Variants in ODAD2 observed in about 807,000 individuals in gnomAD.
The protein encoded by ODAD2 is outer dynein arm docking complex subunit 2.
In ODAD2, 89 loss-of-function variants were observed where a neutral mutation model predicts 106.8. The ratio of observed to expected loss-of-function variants is 0.83; its 90% confidence interval spans 0.70 to 0.99. The LOEUF (loss-of-function observed/expected upper bound fraction) is 0.99. Among genes scored for constraint, ODAD2 ranks in the 50% least tolerant of loss-of-function variants. The pLI is 0.00. For synonymous variants in ODAD2, 404 were observed against 436.2 expected, an observed-to-expected ratio of 0.93 and a Z score of 0.92; for missense variants, 1,168 against 1,238.5, an observed-to-expected ratio of 0.94 and a Z score of 0.85.
chr10:27,832,740 T>A (rs1033465649), intron 19 of ODAD2, among the ~76,000 whole-genome samples: 2 of 152,194 alleles, frequency 1.3e-5, no homozygotes, highest in Admixed American at 1.3e-4. Context: ...AAGGACTTAA[T>A]GTTGCATTTC....
intron 19 of ODAD2, among the ~76,000 whole-genome samples, chr10:27,838,177 C>T (rs1341426700): frequency 6.6e-6 from 1 of 152,170 alleles, no homozygotes; most frequent in African/African-American, 2.4e-5. Flanking sequence ...AACAGGATTG[C>T]TGTTTTCAAG....
intron 19 of ODAD2, among the ~76,000 whole-genome samples, chr10:27,819,631 G>T (rs990855250): frequency 2.0e-5 from 3 of 147,726 alleles, no homozygotes; most frequent in Non-Finnish European, 3.0e-5. Flanking sequence ...GGTCACGTGC[G>T]CCTGTAGTCT....
chr10:27,993,375 C>T (rs1019035990), intron 2 of ODAD2, among the ~76,000 whole-genome samples: 2 of 152,000 alleles, frequency 1.3e-5, no homozygotes, highest in African/African-American at 2.4e-5. Context: ...TCAGGCCGGG[C>T]GTGGTGGTTC....
At position 27,940,652 on chromosome 10, in the gene ODAD2, C is replaced by A; in HGVS notation, c.1897G>T (p.Gly633Cys). The change falls in exon 13 of 20, where the codon GGC (glycine) becomes TGC (cysteine). Residue 633 changes from glycine (G) to cysteine (C), a missense_variant. This residue lies in a region of ODAD2 where 701 missense variants were observed against 712.3 expected (regional missense o/e 0.98). Transcript: ENST00000305242. ...AGCAGCCGAGCCAACAGAGGAATGC[C>A]CCCAGCTTTGCGGATGGCTTCTTTA... The part of the protein sequence containing the change: ...TNKEAIRKAG[G>C]IPLLARLLKT... 6.2e-7 allele frequency: 1 copy of A among 1,614,110 alleles called. No homozygotes were observed.
chr10:27,860,085 T>C (rs539958762), intron 19 of ODAD2, among the ~76,000 whole-genome samples: 93 of 152,288 alleles, frequency 6.1e-4, no homozygotes, highest in African/African-American at 1.9e-3. Context: ...GAATGATTAT[T>C]TTACTAAGTA....
chr10:27,990,287 A>G (rs1850143532), intron 2 of ODAD2, among the ~76,000 whole-genome samples: 1 of 152,074 alleles, frequency 6.6e-6, no homozygotes, highest in Admixed American at 6.6e-5. Context: ...AGATGGGACT[A>G]CAGCCGCACG....
rs556371991 is a variant in ODAD2, at chr10:27,939,914, C to G, written c.2080G>C (p.Ala694Pro). ...CACTGCACCTGGTAAATGGCCATGG[C>G]GCAGTGCTCCTGCAGCTGCTCATTC... ...SENEQLQEHC[A>P]MAIYQCAEDK... The change falls in exon 14 of 20, where the codon GCC becomes CCC. Residue 694 changes from alanine (A) to proline (P), a missense_variant. Ala to Pro is a conservative substitution (Grantham distance 27, BLOSUM62 -1). Around this residue, in one of 3 missense-constraint regions of ODAD2, gnomAD observed 701 missense variants for 712.3 expected, o/e 0.98. Coordinates refer to ENST00000305242, the MANE Select transcript of ODAD2 (RefSeq NM_018076.5). 1.4e-5 allele frequency: 22 copies of G among 1,604,954 alleles called. No individual in the cohort carries two copies. The highest frequency in any genetic ancestry group is 1.8e-5 in the Non-Finnish European group (21 of 1,175,006).
At chr10:27,845,779 CT>C (rs1248134936) in intron 19 of ODAD2, among the ~76,000 whole-genome samples, 8 of 152,110 alleles carry the variant, frequency 5.3e-5, no homozygotes, top group African/African-American at 1.9e-4. Flanking sequence ...ATCCTAGTCT[CT>C]GATAAAACAG....
At chr10:27,978,558 C>T (rs1285310853) in intron 7 of ODAD2, among the ~76,000 whole-genome samples, 3 of 151,894 alleles carry the variant, frequency 2.0e-5, no homozygotes, top group South Asian at 2.1e-4. Flanking sequence ...TTTGGGAGGC[C>T]GCGACAGGTG....
At chr10:27,885,593 AAT>A (rs1230549842) in intron 17 of ODAD2, among the ~76,000 whole-genome samples, 4 of 78,482 alleles carry the variant, frequency 5.1e-5, no homozygotes, top group Admixed American at 2.3e-4. Context: ...TATAAATATA[AAT>A]ATATATATAA....
chr10:27,817,039 C>G (rs938666776), intron 19 of ODAD2, among the ~76,000 whole-genome samples: 1 of 152,170 alleles, frequency 6.6e-6, no homozygotes, highest in Non-Finnish European at 1.5e-5. Context: ...CATGAGCCAC[C>G]GTGCCCGGCC....
chr10:27,997,022 T>C (rs1397599133), intron 1 of ODAD2, among the ~76,000 whole-genome samples: 2 of 152,210 alleles, frequency 1.3e-5, no homozygotes, highest in Non-Finnish European at 2.9e-5. Flanking sequence ...GATTTCAGGA[T>C]AGCAAAGCAG....
intron 17 of ODAD2, among the ~76,000 whole-genome samples, chr10:27,900,050 C>T (rs1447815945): frequency 6.6e-6 from 1 of 152,150 alleles, no homozygotes; most frequent in Non-Finnish European, 1.5e-5. Context: ...TGGACAGACA[C>T]CTTATATAGG....
intron 13 of ODAD2, among the ~76,000 whole-genome samples, 185 bp downstream of exon 13, chr10:27,940,378 T>C (rs1342603259): frequency 6.6e-6 from 1 of 152,098 alleles, no homozygotes; most frequent in Non-Finnish European, 1.5e-5. Flanking sequence ...TATATACATA[T>C]ATGTGTATAT....
In ODAD2 at chr10:27,859,056, CT is replaced by C. The variant is rs10677175; in HGVS notation, c.3021+1568del. On this transcript the variant is annotated intron_variant, in intron 19 of 19. Coordinates refer to ENST00000305242, the MANE Select transcript of ODAD2 (RefSeq NM_018076.5). ...CCTGGCTACTTAAATTTTATAGTTT[CT>C]TTTTTTTTTAAGACTGCATACTTAG... 8.8e-4 allele frequency among the ~76,000 whole-genome samples: 131 copies of C among 149,576 alleles called. No individual in the cohort carries two copies. In the East Asian group the frequency reaches 9.1e-3, roughly 10 times the overall value.
chr10:27,841,988 G>C (rs1274646655), intron 19 of ODAD2, among the ~76,000 whole-genome samples: 2 of 152,002 alleles, frequency 1.3e-5, no homozygotes, highest in Non-Finnish European at 2.9e-5. Flanking sequence ...AGAAATTTTA[G>C]GCACATTCCT....
At chr10:27,913,555 C>A (rs1396136606) in intron 16 of ODAD2, among the ~76,000 whole-genome samples, 1 of 152,136 alleles carries the variant, frequency 6.6e-6, no homozygotes, top group African/African-American at 2.4e-5. Flanking sequence ...GATAAACCCA[C>A]AGAATGGGAG....
intron 17 of ODAD2, among the ~76,000 whole-genome samples, chr10:27,880,461 T>C (rs1024230047): frequency 9.9e-5 from 15 of 152,194 alleles, no homozygotes; most frequent in Non-Finnish European, 2.2e-4. Flanking sequence ...GGAGAGTTTT[T>C]AAAACTTCCT....
chr10:27,941,596 G>GTTTT (rs371752746), intron 12 of ODAD2, among the ~76,000 whole-genome samples: 6,369 of 114,756 alleles, frequency 0.056, 344 homozygotes, highest in Middle Eastern at 0.11. Context: ...CCAGCATCCA[G>GTTTT]TTTTTTTTTT....
Sources: gnomAD v4.1 joint callset for allele counts (sites outside exome capture counted in the v4.1 genomes callset) on GRCh38, gnomAD v4.1.1 for gene constraint, gnomAD v4.1.1 regional missense constraint, MANE v1.5 for transcripts, NCBI Gene and HGNC (gene_info 2026-07-23, HGNC 2026-07-21) for gene names.